Variants in AFDN observed in about 807,000 individuals in gnomAD.
The protein encoded by AFDN is afadin.
In AFDN, 68 loss-of-function variants were observed where a neutral mutation model predicts 216.6. That is an observed-to-expected ratio of 0.31 (90% CI 0.26 to 0.38). The LOEUF (loss-of-function observed/expected upper bound fraction) is 0.38, where lower values mean the gene tolerates loss of function less well. Ranked by LOEUF, AFDN falls within the 10% of genes least tolerant of loss-of-function variation. The probability of loss-of-function intolerance (pLI) is 1.00; values close to 1 mark genes in which losing one functional copy is unlikely to be tolerated. For missense variants in AFDN, 2,136 were observed against 2,342.0 expected (o/e 0.91, Z 1.82); for synonymous variants, 868 against 853.7 (o/e 1.02, Z -0.29).
Position 167,951,967 on chromosome 6 carries a change from A to C in AFDN, c.4613A>C (p.His1538Pro). The change falls in exon 30 of 34, where the codon CAC (histidine) becomes CCC (proline). Residue 1538 changes from histidine to proline, a missense_variant. By Grantham distance (77) the His-to-Pro change is moderately conservative. Coordinates refer to ENST00000683244, the MANE Select transcript of AFDN (RefSeq NM_001386888.1). The surrounding 1 kb of genome is among the most constrained non-coding windows in gnomAD (Gnocchi z 7.1). Reference protein sequence around the residue: ...KEKLEKQQQMHIVDMLSKEIQ... With the variant: ...KEKLEKQQQMPIVDMLSKEIQ... Reference sequence around the variant, plus strand: ...AAGCTGGAGAAGCAGCAGCAGATGCACATCGTGGACATGCTGAGCAAGGAG... The same window carrying C: ...AAGCTGGAGAAGCAGCAGCAGATGCCCATCGTGGACATGCTGAGCAAGGAG... 3 of 1,614,226 alleles carry C rather than the reference A, an allele frequency of 1.9e-6. No homozygotes were observed. The highest frequency in any genetic ancestry group is 1.7e-6 in the Non-Finnish European group (2 of 1,180,038).
intron 25 of AFDN, 74 bp from the exon 26 acceptor site, chr6:167,943,867 A>G (rs1025220076): frequency 2.0e-5 from 25 of 1,250,424 alleles, no homozygotes; most frequent in South Asian, 2.5e-5. Flanking sequence ...TTCCATTGCT[A>G]TAATCACAGC....
At chr6:167,936,862 C>A (rs906527744) in intron 23 of AFDN, among the ~76,000 whole-genome samples, 1 of 152,178 alleles carries the variant, frequency 6.6e-6, no homozygotes, top group Non-Finnish European at 1.5e-5. Context: ...GGTAATTGCC[C>A]ATATTGATGT....
chr6:167,856,005 A>C (rs1430696054), intron 1 of AFDN, among the ~76,000 whole-genome samples: 4 of 152,178 alleles, frequency 2.6e-5, no homozygotes, highest in Non-Finnish European at 5.9e-5. Flanking sequence ...TTCGAATTGC[A>C]TGACAGTTTA....
intron 8 of AFDN, among the ~76,000 whole-genome samples, chr6:167,892,557 C>G (rs1462063224): frequency 6.6e-6 from 1 of 152,008 alleles, no homozygotes; most frequent in African/African-American, 2.4e-5. Context: ...TAGCAGCTGA[C>G]AGAATAATTT....
chr6:167,829,470 A>G (rs1779592484), intron 1 of AFDN, among the ~76,000 whole-genome samples: 1 of 151,772 alleles, frequency 6.6e-6, no homozygotes, highest in African/African-American at 2.4e-5. Flanking sequence ...TCTAATGATT[A>G]TTTTTACTCT....
At chr6:167,934,133 G>C (rs958005) in intron 23 of AFDN, among the ~76,000 whole-genome samples, 64,055 of 152,036 alleles carry the variant, frequency 0.42, 14,279 homozygotes, top group East Asian at 0.8. Flanking sequence ...TGCGGTCTTT[G>C]GGGGTTTATG....
At chr6:167,902,446 A>G (rs1789105922) in intron 12 of AFDN, 60 bp downstream of exon 12, 3 of 1,237,014 alleles carry the variant, frequency 2.4e-6, no homozygotes, top group Non-Finnish European at 3.6e-6. Context: ...ATGGATGAAT[A>G]CAGTAGTGGT....
intron 13 of AFDN, among the ~76,000 whole-genome samples, chr6:167,908,296 A>G (rs964948953): frequency 1.3e-5 from 2 of 152,238 alleles, no homozygotes; most frequent in African/African-American, 4.8e-5. Flanking sequence ...CAGGATTTTA[A>G]TATCATTCAT....
At chr6:167,848,203 GACA>G (rs1781912526) in intron 1 of AFDN, among the ~76,000 whole-genome samples, 1 of 152,128 alleles carries the variant, frequency 6.6e-6, no homozygotes, top group Non-Finnish European at 1.5e-5. Context: ...ACATTTCTTT[GACA>G]ACATGTTCCA....
In AFDN at chr6:167,970,468, T is replaced by C. The variant is rs894871532; in HGVS notation, c.*533T>C. ...ATGCTCCTCCCATGTCCCCTGATGG[T>C]GTCTGTTCCCACAATATCCTTCTAG... On this transcript the variant is annotated 3_prime_UTR_variant, in exon 34 of 34. Coordinates refer to ENST00000683244, the MANE Select transcript of AFDN (RefSeq NM_001386888.1). 1.8e-5 allele frequency: 4 copies of C among 220,284 alleles called. No individual in the cohort carries two copies. Among genetic ancestry groups the C allele is most frequent in the African/African-American group, 6.7e-5 (3 of 44,628 alleles). The allele number at this position is 220,284 out of a possible 1,614,324, so 13.6% of individuals were successfully genotyped here.
At chr6:167,889,875 G>A (rs985986538) in intron 7 of AFDN, among the ~76,000 whole-genome samples, 4 of 152,216 alleles carry the variant, frequency 2.6e-5, no homozygotes, top group Non-Finnish European at 5.9e-5. Flanking sequence ...ATTTCATGCT[G>A]ACTAGATTAA....
At chr6:167,891,752 TATC>T (rs1583301771) in intron 8 of AFDN, among the ~76,000 whole-genome samples, 1 of 152,200 alleles carries the variant, frequency 6.6e-6, no homozygotes, top group Non-Finnish European at 1.5e-5. Context: ...ACATGACATT[TATC>T]ATTCAGTTAA....
At chr6:167,840,269 CAT>C (rs751391287) in intron 1 of AFDN, among the ~76,000 whole-genome samples, 11 of 152,332 alleles carry the variant, frequency 7.2e-5, no homozygotes, top group South Asian at 4.1e-4. Context: ...TGTGCGCAGA[CAT>C]GTGTGAATAT....
At chr6:167,959,171 C>G (rs1290919643) in intron 30 of AFDN, among the ~76,000 whole-genome samples, 2 of 152,220 alleles carry the variant, frequency 1.3e-5, no homozygotes, top group Non-Finnish European at 2.9e-5. Flanking sequence ...AAGGGCGTTT[C>G]ACCAGCTAAG....
chr6:167,898,424 G>A lies in AFDN; in HGVS notation c.1537G>A (p.Val513Met). The change falls in exon 11 of 34, where the codon GTG becomes ATG. Residue 513 changes from valine (V) to methionine (M), a missense_variant. Val to Met is a conservative substitution (Grantham distance 21). Coordinates refer to ENST00000683244, the MANE Select transcript of AFDN (RefSeq NM_001386888.1). ...SQDHALAKRSVDGGLMVKGPR... is the reference protein window; with the variant it reads ...SQDHALAKRSMDGGLMVKGPR... The stretch of plus-strand genomic sequence containing the variant: ...GGATCATGCTCTTGCAAAAAGATCT[G>A]TGGATGGAGGCCTGATGGTTAAGGG... The A allele has an allele frequency of 6.2e-7, 1 of 1,614,198 alleles. No homozygotes were observed. The highest frequency in any genetic ancestry group is 1.3e-5 in the African/African-American group (1 of 75,060).
intron 6 of AFDN, among the ~76,000 whole-genome samples, chr6:167,881,710 G>A (rs1786132778): frequency 6.6e-6 from 1 of 152,166 alleles, no homozygotes; most frequent in Non-Finnish European, 1.5e-5. Context: ...AGGTGGGTGG[G>A]TATTGAATGG....
At chr6:167,873,557 G>A (rs1366082558) in intron 4 of AFDN, among the ~76,000 whole-genome samples, 1 of 152,050 alleles carries the variant, frequency 6.6e-6, no homozygotes, top group Non-Finnish European at 1.5e-5. Context: ...TTTTCTTAGG[G>A]TGCATTCTAG....
intron 1 of AFDN, among the ~76,000 whole-genome samples, chr6:167,862,954 G>A (rs576915299): frequency 6.6e-6 from 1 of 152,246 alleles, no homozygotes; most frequent in South Asian, 2.1e-4. Context: ...TTTTCTCTTG[G>A]TATAGTGGGT....
chr6:167,960,037 T>G (rs2128735360), intron 30 of AFDN, among the ~76,000 whole-genome samples: 1 of 152,360 alleles, frequency 6.6e-6, no homozygotes, highest in East Asian at 1.9e-4. Flanking sequence ...TAAAATATCC[T>G]TTAAGTGTTA....
Sources: allele counts gnomAD v4.1 joint callset (sites outside exome capture counted in the v4.1 genomes callset), GRCh38; gene constraint gnomAD v4.1.1; non-coding constraint Gnocchi (gnomAD v3.1); transcripts MANE v1.5; gene names NCBI Gene and HGNC (gene_info 2026-07-23, HGNC 2026-07-21).